Variants in OR56A3 observed in about 807,000 individuals in gnomAD.
The protein encoded by OR56A3 is olfactory receptor family 56 subfamily A member 3, also known as olfactory receptor 56A3.
OR56A3 carries 23 observed loss-of-function variants against 17.5 expected under a neutral mutation model. The ratio of observed to expected loss-of-function variants is 1.32; its 90% CI spans 0.95 to 1.87. The LOEUF (loss-of-function observed/expected upper bound fraction) is 1.87. Ranked by LOEUF, OR56A3 falls within the 40% of genes most tolerant of loss-of-function variation. The probability of loss-of-function intolerance (pLI) is 0.00; values close to 1 mark genes in which losing one functional copy is unlikely to be tolerated. For missense variants in OR56A3, 366 were observed against 380.1 expected (o/e 0.96, Z 0.31); for synonymous variants, 175 against 150.6 (o/e 1.16, Z -1.19).
At chr11:5,979,812 T>G in the OR56A3 span, among the ~76,000 whole-genome samples, 1 of 152,036 alleles carries the variant, frequency 6.6e-6, no homozygotes, top group Non-Finnish European at 1.5e-5. Context: ...AAACTTTTGA[T>G]GTGAGCATTT....
the OR56A3 span, among the ~76,000 whole-genome samples, chr11:5,991,890 A>C: frequency 6.6e-6 from 1 of 152,210 alleles, no homozygotes. Flanking sequence ...AACCTGCACA[A>C]AGCCTAAGTT....
chr11:6,015,345 C>G, the OR56A3 span, among the ~76,000 whole-genome samples: 6 of 150,714 alleles, frequency 4.0e-5, no homozygotes, highest in African/African-American at 1.2e-4. Context: ...CCCAGCTGCT[C>G]TAGCTCCATC....
the OR56A3 span, among the ~76,000 whole-genome samples, chr11:5,974,090 A>G: frequency 2.7e-5 from 4 of 148,662 alleles, no homozygotes; most frequent in Non-Finnish European, 5.9e-5. Context: ...ACCTGTATAA[A>G]TAGTCTCTTT....
At chr11:5,990,516 C>T in the OR56A3 span, among the ~76,000 whole-genome samples, 4 of 152,164 alleles carry the variant, frequency 2.6e-5, no homozygotes, top group Non-Finnish European at 5.9e-5. Flanking sequence ...AATCACTCTG[C>T]ACTGCTTCTA....
At chr11:6,020,662 A>G in the OR56A3 span, 2 of 152,068 alleles carry the variant, frequency 1.3e-5, no homozygotes, top group East Asian at 1.9e-4. Flanking sequence ...TTAATTTTGT[A>G]TCCTGCAACT....
chr11:5,952,709 A>G (rs1847914596), downstream of OR56A3, among the ~76,000 whole-genome samples: 2 of 152,176 alleles, frequency 1.3e-5, no homozygotes, highest in Non-Finnish European at 1.5e-5. Context: ...ACCTGGGCAT[A>G]TTGAATGATG....
chr11:5,985,471 T>A, the OR56A3 span, among the ~76,000 whole-genome samples: 1 of 152,222 alleles, frequency 6.6e-6, no homozygotes, highest in South Asian at 2.1e-4. Flanking sequence ...ACTGCGACCT[T>A]CTCAGCTGCT....
the OR56A3 span, chr11:6,002,606 G>C: frequency 1.9e-6 from 3 of 1,614,216 alleles, no homozygotes; most frequent in Non-Finnish European, 2.5e-6. Context: ...ATGGATGGCA[G>C]ATGGCCACAT....
the OR56A3 span, chr11:6,020,720 G>A: frequency 6.6e-6 from 1 of 151,996 alleles, no homozygotes; most frequent in African/African-American, 2.4e-5. Flanking sequence ...AGACTGTGGG[G>A]TTTTCTATAT....
the OR56A3 span, among the ~76,000 whole-genome samples, chr11:6,008,177 G>A: frequency 6.6e-6 from 1 of 152,114 alleles, no homozygotes; most frequent in Non-Finnish European, 1.5e-5. Context: ...AGAGAGAGAA[G>A]AACAAGTCTT....
At chr11:5,979,652 C>A in the OR56A3 span, among the ~76,000 whole-genome samples, 11 of 151,844 alleles carry the variant, frequency 7.2e-5, no homozygotes, top group East Asian at 2.1e-3. Flanking sequence ...CAAAGAAAAA[C>A]GTTTTGGTTT....
At chr11:5,964,537 A>G in the OR56A3 span, among the ~76,000 whole-genome samples, 13 of 152,312 alleles carry the variant, frequency 8.5e-5, no homozygotes, top group East Asian at 1.4e-3. Context: ...TGAGGCTGGT[A>G]TAGTGCCAGG....
At chr11:5,992,986 T>C in the OR56A3 span, among the ~76,000 whole-genome samples, 1 of 152,162 alleles carries the variant, frequency 6.6e-6, no homozygotes, top group Non-Finnish European at 1.5e-5. Flanking sequence ...GGATGACATA[T>C]ATTAAGTACA....
chr11:6,006,461 A>C, the OR56A3 span: 1 of 152,358 alleles, frequency 6.6e-6, no homozygotes, highest in Non-Finnish European at 1.5e-5. Context: ...CAATGAGCAA[A>C]ACATGGTATC....
chr11:5,993,829 T>C, the OR56A3 span: 1 of 320,432 alleles, frequency 3.1e-6, no homozygotes, highest in African/African-American at 2.2e-5. Context: ...TTCTGAACTT[T>C]TTATTGGCCT....
chr11:5,982,419 A>G, the OR56A3 span, among the ~76,000 whole-genome samples: 264 of 152,226 alleles, frequency 1.7e-3, no homozygotes, highest in African/African-American at 5.8e-3. Flanking sequence ...AAGCTCTCTG[A>G]CAATTAGGTG....
the OR56A3 span, chr11:5,987,062 A>T: frequency 2.5e-6 from 2 of 795,180 alleles, no homozygotes; most frequent in Admixed American, 2.7e-5. Flanking sequence ...CCTTTGGTGG[A>T]GATAATTCTT....
At chr11:5,975,417 C>T in the OR56A3 span, among the ~76,000 whole-genome samples, 1 of 137,512 alleles carries the variant, frequency 7.3e-6, no homozygotes, top group Non-Finnish European at 1.5e-5. Flanking sequence ...TCCATGTGTT[C>T]TCATTGTTCA....
the OR56A3 span, among the ~76,000 whole-genome samples, chr11:5,966,800 T>A: frequency 6.6e-6 from 1 of 151,858 alleles, no homozygotes; most frequent in African/African-American, 2.4e-5. Flanking sequence ...TAAGATGGTG[T>A]CAGAAATCTG....
Sources: allele counts gnomAD v4.1 joint callset (sites outside exome capture counted in the v4.1 genomes callset), GRCh38; gene constraint gnomAD v4.1.1; transcripts MANE v1.5; gene names NCBI Gene and HGNC (gene_info 2026-07-23, HGNC 2026-07-21).